Variants in NLRP2 observed in about 807,000 individuals in gnomAD.
The protein encoded by NLRP2 is NACHT, LRR and PYD domains-containing protein 2.
A neutral mutation model predicts 97.2 loss-of-function variants in NLRP2; 107 were observed. The ratio of observed to expected loss-of-function variants is 1.10; its 90% confidence interval spans 0.94 to 1.29. The LOEUF is 1.29. NLRP2 is among the 50% of genes most tolerant of loss of function. The probability of loss-of-function intolerance (pLI) is 0.00; values close to 1 mark genes in which losing one functional copy is unlikely to be tolerated. For synonymous variants in NLRP2, 663 were observed against 551.5 expected (o/e 1.20, Z -2.83); for missense variants, 1,495 against 1,330.3 (o/e 1.12, Z -1.93).
intron 3 of NLRP2, chr19:54,976,812 C>CTA (rs1555768188): frequency 6.2e-6 from 2 of 322,648 alleles, no homozygotes; most frequent in Admixed American, 9.5e-5. Context: ...TGTTCTCTCT[C>CTA]TTTTTTTTTT....
chr19:54,994,884 C>T (rs2072719236), intron 11 of NLRP2, among the ~76,000 whole-genome samples: 2 of 150,866 alleles, frequency 1.3e-5, no homozygotes, highest in African/African-American at 4.8e-5. Context: ...GCTGGGATTA[C>T]AGGCGTGAGC....
intron 1 of NLRP2, among the ~76,000 whole-genome samples, chr19:54,967,448 C>T (rs1210347553): frequency 6.6e-6 from 1 of 152,108 alleles, no homozygotes; most frequent in Admixed American, 6.6e-5. Context: ...TACCATTGCT[C>T]TCCAGCCTGC....
chr19:54,977,487 T>TTGTGTGTG (rs61515967), intron 3 of NLRP2, among the ~76,000 whole-genome samples: 6,706 of 147,460 alleles, frequency 0.045, 196 homozygotes, highest in Middle Eastern at 0.1. Flanking sequence ...CGTGAGTAGT[T>TTGTGTGTG]TGTGTGTGTG....
At chr19:54,998,611 C>CTTTTTTTTTTTTTTTTT (rs375510249) in intron 12 of NLRP2, among the ~76,000 whole-genome samples, 2 of 42,198 alleles carry the variant, frequency 4.7e-5, no homozygotes, top group African/African-American at 8.3e-5. Flanking sequence ...CATCTTTTTT[C>CTTTTTTTTTTTTTTTTT]TTTTTTTTTT....
At chr19:54,977,259 TA>T (rs1212856281) in intron 3 of NLRP2, among the ~76,000 whole-genome samples, 3 of 151,958 alleles carry the variant, frequency 2.0e-5, no homozygotes, top group Non-Finnish European at 4.4e-5. Context: ...CTGTCTGTAC[TA>T]AAAATACAAA....
chr19:54,986,130 C>CTT, intron 7 of NLRP2, 21 bp from the exon 8 acceptor site: 1 of 1,586,856 alleles, frequency 6.3e-7, no homozygotes, highest in Non-Finnish European at 8.7e-7. Flanking sequence ...AAAGATTTCA[C>CTT]TTTCGTTCTC....
intron 3 of NLRP2, 38 bp from the exon 4 acceptor site, chr19:54,977,714 C>T: frequency 6.2e-7 from 1 of 1,606,202 alleles, no homozygotes; most frequent in East Asian, 2.2e-5. Flanking sequence ...CCACTGCCAG[C>T]ACAGCAACAG....
intron 8 of NLRP2, among the ~76,000 whole-genome samples, chr19:54,989,018 A>C (rs62124646): frequency 4.6e-5 from 7 of 151,822 alleles, no homozygotes; most frequent in South Asian, 2.1e-4. Context: ...AGTGCAGTGG[A>C]GTGATCTCGG....
At chr19:54,987,413 C>T (rs1247870784) in intron 8 of NLRP2, among the ~76,000 whole-genome samples, 1 of 152,136 alleles carries the variant, frequency 6.6e-6, no homozygotes, top group Non-Finnish European at 1.5e-5. Context: ...CATGGGGTTC[C>T]ATGAAGCCTC....
Position 54,990,692 on chromosome 19 carries a change from C to T in NLRP2, c.2708+20C>T, listed in dbSNP as rs2072417575. The stretch of plus-strand genomic sequence containing the variant: ...CTTGGTGTAAGTCCGTGCTGGCTGC[C>T]TGTGTGCGTGGGTGTATATGCACAC... On this transcript the variant is annotated intron_variant, in intron 10 of 12. Transcript: ENST00000448584. 6.2e-7 allele frequency: 1 copy of T among 1,613,988 alleles called. No individual in the cohort carries two copies. The highest frequency in any genetic ancestry group is 8.5e-7 in the Non-Finnish European group (1 of 1,179,962).
At chr19:54,968,493 T>C (rs1379258906) in intron 1 of NLRP2, among the ~76,000 whole-genome samples, 1 of 13,394 alleles carries the variant, frequency 7.5e-5, no homozygotes, top group Non-Finnish European at 1.8e-4. Flanking sequence ...CCCAGCACAA[T>C]TTTTTTTTTT....
intron 2 of NLRP2, among the ~76,000 whole-genome samples, chr19:54,972,176 C>T (rs897456742): frequency 6.6e-6 from 1 of 150,512 alleles, no homozygotes; most frequent in Non-Finnish European, 1.5e-5. Flanking sequence ...ACTTTCTACC[C>T]CATAACTTTT....
intron 8 of NLRP2, among the ~76,000 whole-genome samples, chr19:54,987,215 CAG>C (rs1326658588): frequency 6.9e-6 from 1 of 145,048 alleles, no homozygotes; most frequent in East Asian, 2.2e-4. Flanking sequence ...TATCTTCTAT[CAG>C]AGATCATTCA....
intron 12 of NLRP2, among the ~76,000 whole-genome samples, chr19:54,998,856 A>C (rs1355061081): frequency 2.0e-5 from 3 of 151,064 alleles, no homozygotes; most frequent in African/African-American, 7.4e-5. Context: ...TGCTGCCTTC[A>C]GGATCTGTTT....
rs1186534356 is a variant in NLRP2 at position 54,982,504 on chromosome 19, T to C, written c.806T>C (p.Leu269Ser). Residue 269 changes from leucine (L) to serine (S), a missense_variant, in exon 6 of 13, where the codon TTG (leucine) becomes TCG (serine). Coordinates refer to ENST00000448584, the MANE Select transcript of NLRP2 (RefSeq NM_017852.5). ...CTGGTCTTCAGGGACTGGCCTGAATTGCAGGATGACATTCCACACATCCTA... is the reference window on the plus strand; with the variant it reads ...CTGGTCTTCAGGGACTGGCCTGAATCGCAGGATGACATTCCACACATCCTA... Reference protein sequence around the residue: ...AELVFRDWPELQDDIPHILAQ... With the variant: ...AELVFRDWPESQDDIPHILAQ... 6.2e-7 allele frequency: 1 copy of C among 1,614,208 alleles called. No individual in the cohort carries two copies. Among genetic ancestry groups the C allele is most frequent in the East Asian group, 2.2e-5 (1 of 44,882 alleles).
In NLRP2 at chr19:54,984,329, G is replaced by GTGTGTTGTTTTTTTTTTTTTTTTTT; in HGVS notation, c.2030+602_2030+603insGTGTTGTTTTTTTTTTTTTTTTTTT. Among the ~76,000 whole-genome samples, 34 of 79,676 alleles carry GTGTGTTGTTTTTTTTTTTTTTTTTT rather than the reference G, an allele frequency of 4.3e-4. 2 individuals carry two copies. Among genetic ancestry groups the GTGTGTTGTTTTTTTTTTTTTTTTTT allele is most frequent in the Non-Finnish European group, 7.3e-4 (29 of 39,966 alleles). The allele number at this position is 79,676 out of a possible 152,430, so 52.3% of individuals were successfully genotyped here. A position where few individuals can be genotyped will look rare whatever the true frequency, so the allele number is the denominator to read the frequency against. On this transcript the variant is annotated intron_variant, in intron 6 of 12. Coordinates refer to ENST00000448584, the MANE Select transcript of NLRP2 (RefSeq NM_017852.5). ...AACTTAAGTGGGGGTTTTTTTTTGT[G>GTGTGTTGTTTTTTTTTTTTTTTTTT]TTTTTTTTTTTTTTTTTTTTTTTGG...
chr19:54,982,998 T>A lies in NLRP2; in HGVS notation c.1300T>A (p.Cys434Ser), dbSNP rs761161904. 7.5e-6 allele frequency: 12 copies of A among 1,610,668 alleles called. No individual in the cohort carries two copies. The highest frequency in any genetic ancestry group is 9.3e-6 in the Non-Finnish European group (11 of 1,179,476). ...CACGGGGCTGTTCCTGCGTTTCCTC[T>A]GCAGCCGGTTCCCGCAGGGCGCACA... ...TRTGLFLRFL[C>S]SRFPQGAQLR... Residue 434 changes from cysteine (C) to serine (S), a missense_variant, in exon 6 of 13, where the codon TGC (cysteine) becomes AGC (serine). Cys to Ser is a moderately radical substitution (Grantham distance 112). Transcript: ENST00000448584.
At chr19:54,968,326 G>A (rs1017072978) in intron 1 of NLRP2, among the ~76,000 whole-genome samples, 5 of 151,568 alleles carry the variant, frequency 3.3e-5, no homozygotes, top group South Asian at 2.1e-4. Flanking sequence ...GATTGCAAGC[G>A]TCAGCCACCA....
chr19:54,985,667 G>A (rs775903), intron 7 of NLRP2, among the ~76,000 whole-genome samples: 17,413 of 128,418 alleles, frequency 0.14, 1,692 homozygotes, highest in African/African-American at 0.31. Flanking sequence ...GACAGAGCGA[G>A]ACTGCGTCTC....
Sources: gnomAD v4.1 joint callset for allele counts (sites outside exome capture counted in the v4.1 genomes callset) on GRCh38, gnomAD v4.1.1 for gene constraint, MANE v1.5 for transcripts, NCBI Gene and HGNC (gene_info 2026-07-23, HGNC 2026-07-21) for gene names.